Variants in LHFPL3 observed in about 807,000 individuals in gnomAD.
LHFPL3 encodes LHFPL tetraspan subfamily member 3 protein.
In LHFPL3, 5 loss-of-function variants were observed where a neutral mutation model predicts 19.3. The observed-to-expected ratio is 0.26, with a 90% CI of 0.14 to 0.54. The LOEUF is 0.54. LHFPL3 is among the 20% of genes least tolerant of loss of function. LHFPL3 has a pLI of 0.94. For synonymous variants in LHFPL3, 133 were observed against 126.2 expected, an observed-to-expected ratio of 1.05 and a Z score of -0.36; for missense variants, 249 against 307.4, an observed-to-expected ratio of 0.81 and a Z score of 1.42.
At chr7:104,502,501 T>C (rs1233809391) in intron 1 of LHFPL3, among the ~76,000 whole-genome samples, 4 of 152,234 alleles carry the variant, frequency 2.6e-5, no homozygotes, top group African/African-American at 7.2e-5. Context: ...ACATGTTGGC[T>C]AAGCCATCTG....
At chr7:104,334,784 A>G (rs10241012) in intron 1 of LHFPL3, among the ~76,000 whole-genome samples, 26,352 of 152,070 alleles carry the variant, frequency 0.17, 2,751 homozygotes, top group Admixed American at 0.31. Flanking sequence ...GGAGATAATC[A>G]TATCTCAGGC....
intron 1 of LHFPL3, among the ~76,000 whole-genome samples, chr7:104,473,644 G>T (rs1307587357): frequency 1.3e-5 from 2 of 152,114 alleles, no homozygotes; most frequent in African/African-American, 4.8e-5. Context: ...TAACCACTCT[G>T]TGCCTCATTT....
chr7:104,576,395 C>G (rs1790339402), intron 1 of LHFPL3, among the ~76,000 whole-genome samples: 1 of 152,120 alleles, frequency 6.6e-6, no homozygotes, highest in Non-Finnish European at 1.5e-5. Flanking sequence ...ATCAGGACTG[C>G]AAACACACTA....
chr7:104,354,889 G>T lies in LHFPL3; in HGVS notation c.445+25665G>T, dbSNP rs148625378. ...TAAAATACAGTAATTTCTACATATAGTCAACATAAAAATTATTAGTGAAAT... is the reference window on the plus strand; with the variant it reads ...TAAAATACAGTAATTTCTACATATATTCAACATAAAAATTATTAGTGAAAT... On this transcript the variant is annotated intron_variant, in intron 1 of 2. Coordinates refer to ENST00000424859, the MANE Select transcript of LHFPL3 (RefSeq NM_199000.3). Among the ~76,000 whole-genome samples the T allele has an allele frequency of 1.8e-3, 275 of 152,186 alleles. 1 individual carries two copies. The highest frequency in any genetic ancestry group is 8.7e-3 in the South Asian group (42 of 4,816).
At chr7:104,749,890 C>A (rs1794129300) in intron 2 of LHFPL3, among the ~76,000 whole-genome samples, 3 of 152,232 alleles carry the variant, frequency 2.0e-5, no homozygotes. Context: ...ATACCCTATT[C>A]CTTCTCTTTC....
intron 1 of LHFPL3, among the ~76,000 whole-genome samples, chr7:104,515,143 A>C (rs879068065): frequency 6.6e-6 from 1 of 152,160 alleles, no homozygotes; most frequent in Admixed American, 6.6e-5. Flanking sequence ...GATATGGTTA[A>C]ATTGGGAATT....
At chr7:104,628,949 G>T (rs1166161198) in intron 1 of LHFPL3, among the ~76,000 whole-genome samples, 1 of 152,006 alleles carries the variant, frequency 6.6e-6, no homozygotes, top group Non-Finnish European at 1.5e-5. Context: ...CCTCAGCACT[G>T]GTCCTATCAA....
At chr7:104,391,994 A>G (rs1791081099) in intron 1 of LHFPL3, among the ~76,000 whole-genome samples, 1 of 152,034 alleles carries the variant, frequency 6.6e-6, no homozygotes, top group Admixed American at 6.6e-5. Flanking sequence ...TTTGTCTGTT[A>G]TTGGTGAATA....
chr7:104,483,767 C>T (rs1478343805), intron 1 of LHFPL3, among the ~76,000 whole-genome samples: 1 of 152,122 alleles, frequency 6.6e-6, no homozygotes. Context: ...AGATGTGCAC[C>T]ACCATGACCA....
chr7:104,608,248 A>G lies in LHFPL3; in HGVS notation c.446-128427A>G, dbSNP rs200510216. On this transcript the variant is annotated intron_variant, in intron 1 of 2. Transcript: ENST00000424859. ...ATAGCAAAGACTTGGAACCAACCCA[A>G]ATGTCCAACAACGATAGACTGGATT... is the stretch of plus-strand genomic sequence containing the variant. Among the ~76,000 whole-genome samples the G allele has an allele frequency of 3.2e-4, 49 of 152,098 alleles. 1 individual carries two copies. In the East Asian group the frequency reaches 4.6e-3, roughly 14 times the overall value.
At chr7:104,835,820 T>C (rs1791082879) in intron 2 of LHFPL3, among the ~76,000 whole-genome samples, 1 of 151,900 alleles carries the variant, frequency 6.6e-6, no homozygotes, top group African/African-American at 2.4e-5. Flanking sequence ...GTTTGTTACA[T>C]AGGTATACAT....
intron 2 of LHFPL3, among the ~76,000 whole-genome samples, chr7:104,763,548 G>C (rs982209270): frequency 1.3e-5 from 2 of 152,358 alleles, no homozygotes; most frequent in African/African-American, 4.8e-5. Flanking sequence ...ACACCACTTA[G>C]CCTCCACAAG....
At chr7:104,846,103 T>G (rs1351110456) in intron 2 of LHFPL3, among the ~76,000 whole-genome samples, 2 of 152,220 alleles carry the variant, frequency 1.3e-5, no homozygotes, top group Non-Finnish European at 2.9e-5. Context: ...TGGCCCTTCA[T>G]TGTACTGTTC....
intron 1 of LHFPL3, among the ~76,000 whole-genome samples, chr7:104,400,472 T>C (rs1478835586): frequency 6.6e-6 from 1 of 152,216 alleles, no homozygotes; most frequent in Non-Finnish European, 1.5e-5. Flanking sequence ...ATAAGCCATT[T>C]TGTTTCTGTT....
chr7:104,906,133 G>A (rs1266538198), intron 2 of LHFPL3, 54 bp from the exon 3 acceptor site: 2 of 1,544,442 alleles, frequency 1.3e-6, no homozygotes, highest in Non-Finnish European at 1.8e-6. Flanking sequence ...AGAAAATGAT[G>A]TATTTTTTCT....
intron 2 of LHFPL3, among the ~76,000 whole-genome samples, chr7:104,873,603 G>A (rs555831965): frequency 1.3e-5 from 2 of 152,144 alleles, no homozygotes; most frequent in African/African-American, 4.8e-5. Context: ...ACTCCAGCCT[G>A]GGTAACAGAG....
rs941572670 is a variant in LHFPL3 at position 104,845,323 on chromosome 7, T to C, written c.683-60864T>C. On this transcript the variant is annotated intron_variant, in intron 2 of 2. Coordinates refer to ENST00000424859, the MANE Select transcript of LHFPL3 (RefSeq NM_199000.3). ...GTTGTCAGTTTTAATCTTTAAAAAA[T>C]GAAGTGTGAGCTCTTATTTTACCTT... is the stretch of plus-strand genomic sequence containing the variant. 6.2e-5 allele frequency: 58 copies of C among 936,292 alleles called. No homozygotes were observed. In the African/African-American group the frequency reaches 8.5e-4, roughly 14 times the overall value. 58.0% of individuals were successfully genotyped at this position (936,292 alleles called of 1,614,324 possible).
intron 1 of LHFPL3, among the ~76,000 whole-genome samples, chr7:104,672,165 C>A (rs1584473003): frequency 2.6e-5 from 4 of 152,116 alleles, no homozygotes; most frequent in South Asian, 4.1e-4. Flanking sequence ...CAGTAAGACA[C>A]AGGATGAGCC....
intron 1 of LHFPL3, among the ~76,000 whole-genome samples, chr7:104,634,587 C>T (rs1420087133): frequency 6.6e-6 from 1 of 151,926 alleles, no homozygotes; most frequent in Non-Finnish European, 1.5e-5. Context: ...TCAGTATCTG[C>T]CGAGTGAATA....
Sources: gnomAD v4.1 joint callset for allele counts (sites outside exome capture counted in the v4.1 genomes callset) on GRCh38, gnomAD v4.1.1 for gene constraint, MANE v1.5 for transcripts, NCBI Gene and HGNC (gene_info 2026-07-23, HGNC 2026-07-21) for gene names.